NSUN4: variants seen among roughly 807,000 people sequenced by gnomAD.
NSUN4 encodes the protein NOP2/Sun RNA methyltransferase 4, also known as 5-cytosine rRNA methyltransferase NSUN4.
In NSUN4, 31 loss-of-function variants were observed where a neutral mutation model predicts 43.8. The ratio of observed to expected loss-of-function variants is 0.71; its 90% CI spans 0.53 to 0.96. The LOEUF (loss-of-function observed/expected upper bound fraction) is 0.96, where lower values mean the gene tolerates loss of function less well. NSUN4 is among the 40% of genes least tolerant of loss of function. The pLI is 0.00. For synonymous variants in NSUN4, 167 were observed against 184.1 expected (o/e 0.91, Z 0.75); for missense variants, 439 against 475.6 (o/e 0.92, Z 0.72).
the NSUN4 span, among the ~76,000 whole-genome samples, chr1:46,381,452 C>A: frequency 6.6e-6 from 1 of 152,174 alleles, no homozygotes; most frequent in African/African-American, 2.4e-5. Flanking sequence ...CCACTCCTAA[C>A]CCCTAGACCC....
At chr1:46,371,030 A>AGGCATATTAG in the NSUN4 span, 1 of 152,636 alleles carries the variant, frequency 6.6e-6, no homozygotes, top group East Asian at 1.9e-4. Context: ...AAGAAAACTG[A>AGGCATATTAG]GGCATATTAG....
intron 3 of NSUN4, among the ~76,000 whole-genome samples, chr1:46,347,309 A>G (rs911127644): frequency 2.0e-5 from 3 of 151,904 alleles, no homozygotes; most frequent in Non-Finnish European, 4.4e-5. Context: ...GTGGTGGTGC[A>G]CTCCTGTAAT....
chr1:46,341,086 CTA>C (rs1180722168), intron 1 of NSUN4, 167 bp downstream of exon 1: 37 of 1,188,038 alleles, frequency 3.1e-5, no homozygotes, highest in Non-Finnish European at 3.5e-5. Flanking sequence ...TGTCCGCACT[CTA>C]TGTCCCGAGC....
At chr1:46,352,524 A>G (rs1175467514) in intron 3 of NSUN4, among the ~76,000 whole-genome samples, 2 of 150,856 alleles carry the variant, frequency 1.3e-5, no homozygotes, top group Non-Finnish European at 3.0e-5. Context: ...GGGGAGAGGG[A>G]AAGGAGAGAA....
chr1:46,343,191 C>CT (rs1304403911), intron 1 of NSUN4: 4 of 398,168 alleles, frequency 1.0e-5, no homozygotes, highest in African/African-American at 8.3e-5. Flanking sequence ...GACAGGCCCC[C>CT]CTCCCATTGT....
downstream of NSUN4, among the ~76,000 whole-genome samples, chr1:46,367,836 C>T (rs1337712902): frequency 3.5e-5 from 5 of 143,758 alleles, no homozygotes; most frequent in Non-Finnish European, 7.6e-5. Flanking sequence ...GTGATCTCGG[C>T]TCACTGCAAC....
At chr1:46,378,331 G>A in the NSUN4 span, among the ~76,000 whole-genome samples, 1 of 152,006 alleles carries the variant, frequency 6.6e-6, no homozygotes, top group African/African-American at 2.4e-5. Context: ...CTGAGTAGCT[G>A]GGACTACAGG....
At chr1:46,368,203 T>C (rs181234887), downstream of NSUN4, among the ~76,000 whole-genome samples, 43 of 152,130 alleles carry the variant, frequency 2.8e-4, no homozygotes, top group Non-Finnish European at 5.6e-4. Flanking sequence ...CAATCAGCCC[T>C]AAATTCTTCC....
At chr1:46,371,501 T>C in the NSUN4 span, among the ~76,000 whole-genome samples, 1 of 151,934 alleles carries the variant, frequency 6.6e-6, no homozygotes, top group Admixed American at 6.6e-5. Flanking sequence ...AGAGACGGGG[T>C]TTTACCATGT....
chr1:46,374,105 G>T, the NSUN4 span, among the ~76,000 whole-genome samples: 1 of 151,852 alleles, frequency 6.6e-6, no homozygotes, highest in African/African-American at 2.4e-5. Context: ...TGCGCAACAC[G>T]GTGAAACCCC....
At chr1:46,382,653 G>C in the NSUN4 span, among the ~76,000 whole-genome samples, 28 of 150,742 alleles carry the variant, frequency 1.9e-4, no homozygotes, top group Non-Finnish European at 4.0e-4. Flanking sequence ...CCAGGCTGGA[G>C]TGCAGTGGCA....
At chr1:46,355,742 C>T (rs921647849) in intron 4 of NSUN4, among the ~76,000 whole-genome samples, 13 of 152,128 alleles carry the variant, frequency 8.5e-5, no homozygotes, top group South Asian at 8.3e-4. Context: ...TGGCCGGGCA[C>T]GGTGGCTAAC....
intron 1 of NSUN4, chr1:46,341,635 C>T (rs761258234): frequency 5.2e-5 from 64 of 1,224,724 alleles, no homozygotes; most frequent in Non-Finnish European, 6.4e-5. Context: ...TCGCCACCTC[C>T]ACCATCTCTT....
At chr1:46,376,604 G>A in the NSUN4 span, among the ~76,000 whole-genome samples, 2 of 152,036 alleles carry the variant, frequency 1.3e-5, no homozygotes, top group Admixed American at 6.6e-5. Context: ...CAACAAGCAA[G>A]TTAATAAATT....
At chr1:46,373,733 C>A in the NSUN4 span, among the ~76,000 whole-genome samples, 1 of 152,184 alleles carries the variant, frequency 6.6e-6, no homozygotes, top group African/African-American at 2.4e-5. Context: ...AATCCACTCA[C>A]GAAGGCAGAC....
At chr1:46,380,470 C>G in the NSUN4 span, among the ~76,000 whole-genome samples, 1 of 152,226 alleles carries the variant, frequency 6.6e-6, no homozygotes, top group South Asian at 2.1e-4. Context: ...AGTCCATGAC[C>G]TTAGCTTCCA....
the NSUN4 span, chr1:46,370,678 A>G: frequency 6.6e-6 from 1 of 152,058 alleles, no homozygotes; most frequent in Non-Finnish European, 1.5e-5. Flanking sequence ...ACAAATTACT[A>G]GTATGCCACA....
chr1:46,353,465 T>C (rs1280508938), intron 4 of NSUN4, among the ~76,000 whole-genome samples: 2 of 152,166 alleles, frequency 1.3e-5, no homozygotes, highest in East Asian at 1.9e-4. Flanking sequence ...CCCCACCCTA[T>C]AGATAACGAT....
At chr1:46,358,859 T>C (rs1427406407) in intron 4 of NSUN4, among the ~76,000 whole-genome samples, 1 of 152,246 alleles carries the variant, frequency 6.6e-6, no homozygotes, top group African/African-American at 2.4e-5. Flanking sequence ...AAAACTATTG[T>C]TGACAATCAG....
Sources: allele counts gnomAD v4.1 joint callset (sites outside exome capture counted in the v4.1 genomes callset), GRCh38; gene constraint gnomAD v4.1.1; transcripts MANE v1.5; gene names NCBI Gene and HGNC (gene_info 2026-07-23, HGNC 2026-07-21).